MITD1: variants seen among roughly 807,000 people sequenced by gnomAD.
MITD1 encodes MIT domain-containing protein 1.
A neutral mutation model predicts 34.9 loss-of-function variants in MITD1; 24 were observed. That is an observed-to-expected ratio of 0.69 (90% CI 0.50 to 0.97). The LOEUF is 0.97. Ranked by LOEUF, MITD1 falls within the 50% of genes least tolerant of loss-of-function variation. MITD1 has a pLI of 0.00. For missense variants in MITD1, 266 were observed against 294.6 expected, an observed-to-expected ratio of 0.90 and a Z score of 0.71; for synonymous variants, 102 against 101.4, an observed-to-expected ratio of 1.01 and a Z score of -0.04.
downstream of MITD1, chr2:99,161,881 T>C: frequency 7.6e-7 from 1 of 1,309,078 alleles, no homozygotes. Context: ...AAATAACCGA[T>C]AATTGATAGT....
chr2:99,175,640 C>G (rs1006576294), intron 1 of MITD1, among the ~76,000 whole-genome samples: 1 of 152,188 alleles, frequency 6.6e-6, no homozygotes, highest in African/African-American at 2.4e-5. Flanking sequence ...TGCTTCCCAT[C>G]ACTCTTTCTC....
rs1256149357 is a variant in MITD1 at position 99,162,478 on chromosome 2, C to T, written c.*4-260G>A. The T allele has an allele frequency of 6.2e-6, 10 of 1,613,962 alleles. No individual in the cohort carries two copies. In the South Asian group the frequency reaches 1.1e-4, roughly 18 times the overall value. On this transcript the variant is annotated intron_variant, in intron 7 of 7. Coordinates refer to the MITD1 transcript ENST00000422537. ...GCTTCTAAGATCGGCCGGACTACTG[C>T]CTATCACCATTGCACTTTATTATGT...
At chr2:99,164,201 C>T (rs2093815677) in intron 7 of MITD1, among the ~76,000 whole-genome samples, 1 of 152,182 alleles carries the variant, frequency 6.6e-6, no homozygotes. Flanking sequence ...TGTTTCCACT[C>T]TTCTCAAGCT....
At chr2:99,165,553 C>T (rs1163175712), downstream of MITD1, among the ~76,000 whole-genome samples, 4 of 151,966 alleles carry the variant, frequency 2.6e-5, no homozygotes, top group African/African-American at 9.7e-5. Context: ...GAGGGCTGAC[C>T]GCATATAAAT....
At chr2:99,161,770 C>A, downstream of MITD1, 1 of 474,292 alleles carries the variant, frequency 2.1e-6, no homozygotes. Context: ...TGAAATTTGT[C>A]TTCATTTATT....
intron 2 of MITD1, 63 bp from the exon 3 acceptor site, chr2:99,171,709 T>G: frequency 2.7e-6 from 4 of 1,462,058 alleles, no homozygotes; most frequent in Non-Finnish European, 3.7e-6. Flanking sequence ...ATTTTATATT[T>G]TATATAGAGT....
At chr2:99,175,204 G>T (rs1042172925) in intron 1 of MITD1, among the ~76,000 whole-genome samples, 4 of 152,132 alleles carry the variant, frequency 2.6e-5, no homozygotes, top group Non-Finnish European at 5.9e-5. Flanking sequence ...ACAATACTAT[G>T]AACTTATCTA....
intron 4 of MITD1, among the ~76,000 whole-genome samples, chr2:99,171,115 C>T (rs2093854884): frequency 6.6e-6 from 1 of 152,184 alleles, no homozygotes; most frequent in Non-Finnish European, 1.5e-5. Flanking sequence ...AGAGACTAAA[C>T]TAACAAACTA....
intron 1 of MITD1, 43 bp from the exon 2 acceptor site, chr2:99,174,059 T>G (rs1041870297): frequency 9.6e-7 from 1 of 1,037,780 alleles, no homozygotes; most frequent in Non-Finnish European, 1.4e-6. Context: ...CAAAATAGTT[T>G]TTCTATTTAA....
downstream of MITD1, among the ~76,000 whole-genome samples, chr2:99,169,066 G>C (rs954578552): frequency 1.4e-5 from 2 of 141,492 alleles, no homozygotes; most frequent in African/African-American, 2.6e-5. Flanking sequence ...AACTCCCACA[G>C]GCAAAATTAA....
downstream of MITD1, among the ~76,000 whole-genome samples, chr2:99,168,402 A>G (rs993873642): frequency 8.5e-5 from 13 of 152,158 alleles, no homozygotes; most frequent in Non-Finnish European, 1.5e-5. Flanking sequence ...TTGCCTCCCA[A>G]AGTGCTGGGA....
downstream of MITD1, among the ~76,000 whole-genome samples, chr2:99,166,263 G>A (rs768423890): frequency 3.3e-5 from 5 of 151,934 alleles, no homozygotes; most frequent in Non-Finnish European, 4.4e-5. Flanking sequence ...TAAGAAGAAT[G>A]GAGGAAGAGA....
intron 7 of MITD1, among the ~76,000 whole-genome samples, chr2:99,163,409 C>A (rs1332984358): frequency 1.3e-5 from 2 of 152,086 alleles, no homozygotes; most frequent in East Asian, 3.9e-4. Flanking sequence ...CCCACTGCAA[C>A]CTTTACCTCC....
chr2:99,168,818 C>T (rs1221011926), downstream of MITD1, among the ~76,000 whole-genome samples: 2 of 151,924 alleles, frequency 1.3e-5, no homozygotes, highest in Non-Finnish European at 2.9e-5. Flanking sequence ...CTGGCTCTGT[C>T]ACCCAGGCTA....
At chr2:99,165,061 C>CACACATATAT (rs370053233), downstream of MITD1, among the ~76,000 whole-genome samples, 67 of 135,274 alleles carry the variant, frequency 5.0e-4, no homozygotes, top group Non-Finnish European at 8.4e-4. Context: ...CACACACACA[C>CACACATATAT]ATATATATAT....
chr2:99,172,749 G>C (rs535280596), intron 2 of MITD1: 4 of 152,078 alleles, frequency 2.6e-5, no homozygotes, highest in African/African-American at 9.6e-5. Flanking sequence ...CAGGCTTGGC[G>C]GCGGGTGCCT....
At chr2:99,166,953 A>C (rs578077481), downstream of MITD1, among the ~76,000 whole-genome samples, 1 of 148,794 alleles carries the variant, frequency 6.7e-6, no homozygotes, top group East Asian at 1.9e-4. Context: ...TGGTGTCAAC[A>C]TCATTACAGA....
intron 2 of MITD1, chr2:99,173,290 G>C (rs1211634674): frequency 6.4e-6 from 2 of 311,252 alleles, no homozygotes; most frequent in African/African-American, 4.3e-5. Context: ...TTTGAGGGCA[G>C]CAGTACCTTT....
rs751297413 is a variant in MITD1 at position 99,170,581 on chromosome 2, C to A, written c.549G>T (p.Leu183=). The part of the protein sequence containing the change: ...IEESLRSHGV[L]LEVQYSSSIH... Reference sequence around the variant, plus strand: ...TTGAAGAAGAGTATTGAACTTCCAACAGCACTCCGTGACTCCTGAGTGACT... The same window carrying A: ...TTGAAGAAGAGTATTGAACTTCCAAAAGCACTCCGTGACTCCTGAGTGACT... Residue 183 remains leucine, a synonymous_variant, in exon 5 of 7, where the codon CTG becomes CTT. Transcript: ENST00000289359. The A allele has an allele frequency of 5.0e-6, 8 of 1,605,408 alleles. No homozygotes were observed. The highest frequency in any genetic ancestry group is 5.1e-6 in the Non-Finnish European group (6 of 1,173,102).
Sources: allele counts gnomAD v4.1 joint callset (sites outside exome capture counted in the v4.1 genomes callset), GRCh38; gene constraint gnomAD v4.1.1; transcripts MANE v1.5; gene names NCBI Gene and HGNC (gene_info 2026-07-23, HGNC 2026-07-21).